Variants in IRAG1 observed in about 807,000 individuals in gnomAD.
The protein encoded by IRAG1 is IP3R-associated cGMP kinase substrate.
In IRAG1, 62 loss-of-function variants were observed where a neutral mutation model predicts 106.2. That is an observed-to-expected ratio of 0.58 (90% CI 0.48 to 0.72). IRAG1 has a LOEUF of 0.72. Ranked by LOEUF, IRAG1 falls within the 30% of genes least tolerant of loss-of-function variation. IRAG1 has a pLI of 0.00. For synonymous variants in IRAG1, 462 were observed against 443.9 expected (o/e 1.04, Z -0.51); for missense variants, 1,064 against 1,140.7 (o/e 0.93, Z 0.97).
At chr11:10,615,020 T>A (rs886234667) in intron 10 of IRAG1, among the ~76,000 whole-genome samples, 1 of 152,032 alleles carries the variant, frequency 6.6e-6, no homozygotes, top group East Asian at 1.9e-4. Context: ...AGGAGAAAAT[T>A]TTTGCAATCT....
chr11:10,590,864 A>G (rs1852569000), intron 18 of IRAG1, among the ~76,000 whole-genome samples: 1 of 152,138 alleles, frequency 6.6e-6, no homozygotes, highest in African/African-American at 2.4e-5. Context: ...ACTCTTCTTC[A>G]TGGAGTCATT....
chr11:10,662,451 G>C (rs1360479746), intron 1 of IRAG1, among the ~76,000 whole-genome samples: 1 of 152,124 alleles, frequency 6.6e-6, no homozygotes, highest in Non-Finnish European at 1.5e-5. Flanking sequence ...AAAAGGCCAG[G>C]GCCTCCTTCT....
chr11:10,675,640 A>T (rs1860594463), intron 1 of IRAG1, among the ~76,000 whole-genome samples: 1 of 152,162 alleles, frequency 6.6e-6, no homozygotes, highest in Non-Finnish European at 1.5e-5. Flanking sequence ...TGGGGATCTC[A>T]GGGAATTTCA....
At chr11:10,599,149 C>T (rs1853664708) in intron 15 of IRAG1, among the ~76,000 whole-genome samples, 1 of 152,204 alleles carries the variant, frequency 6.6e-6, no homozygotes, top group African/African-American at 2.4e-5. Flanking sequence ...ATGTGGGACT[C>T]TGTGGTGTAT....
At chr11:10,622,876 G>C (rs1039331831) in intron 10 of IRAG1, among the ~76,000 whole-genome samples, 4 of 141,384 alleles carry the variant, frequency 2.8e-5, no homozygotes, top group East Asian at 2.2e-4. Context: ...GTAAGCAGTG[G>C]ACACACACAC....
intron 1 of IRAG1, among the ~76,000 whole-genome samples, chr11:10,670,381 A>G (rs1860124639): frequency 6.6e-6 from 1 of 152,176 alleles, no homozygotes; most frequent in Non-Finnish European, 1.5e-5. Context: ...GTAGTCCTTA[A>G]CTAAAACGAG....
chr11:10,681,202 C>T (rs1333200155), intron 1 of IRAG1, among the ~76,000 whole-genome samples: 3 of 152,146 alleles, frequency 2.0e-5, no homozygotes, highest in African/African-American at 7.2e-5. Flanking sequence ...TACTCATCTG[C>T]CCCCAGAGCT....
intron 1 of IRAG1, among the ~76,000 whole-genome samples, chr11:10,672,781 A>C (rs756728276): frequency 9.9e-5 from 15 of 152,228 alleles, no homozygotes; most frequent in Non-Finnish European, 2.1e-4. Context: ...AAAAGGTTGA[A>C]CATAGGATTA....
intron 1 of IRAG1, among the ~76,000 whole-genome samples, chr11:10,682,480 C>A (rs2135216274): frequency 6.6e-6 from 1 of 152,220 alleles, no homozygotes; most frequent in South Asian, 2.1e-4. Context: ...TTTCTGGGAC[C>A]AGCTGGCCTG....
At chr11:10,629,773 T>C (rs1254666227) in intron 4 of IRAG1, 62 bp from the exon 5 acceptor site, 2 of 1,503,962 alleles carry the variant, frequency 1.3e-6, no homozygotes, top group African/African-American at 1.4e-5. Context: ...GCTGAGGTCA[T>C]GCCATACCAT....
chr11:10,678,236 A>G (rs905356402), intron 1 of IRAG1, among the ~76,000 whole-genome samples: 25 of 152,172 alleles, frequency 1.6e-4, no homozygotes, highest in African/African-American at 6.0e-4. Context: ...TTTACTGGGA[A>G]GCTGCTTATC....
intron 5 of IRAG1, among the ~76,000 whole-genome samples, chr11:10,629,146 C>G (rs915771889): frequency 2.6e-5 from 4 of 152,148 alleles, no homozygotes; most frequent in African/African-American, 9.7e-5. Flanking sequence ...AGAGGCTGCT[C>G]CTTCTCGACT....
intron 2 of IRAG1, among the ~76,000 whole-genome samples, chr11:10,641,048 C>A (rs1391000354): frequency 6.6e-6 from 1 of 152,130 alleles, no homozygotes; most frequent in African/African-American, 2.4e-5. Context: ...ACTGTATTCT[C>A]TCTCTCTCTC....
chr11:10,579,694 G>C (rs1215973678), intron 20 of IRAG1, among the ~76,000 whole-genome samples: 2 of 152,026 alleles, frequency 1.3e-5, no homozygotes, highest in Non-Finnish European at 2.9e-5. Flanking sequence ...GCCAGGTGGG[G>C]CTGAGACCTC....
intron 9 of IRAG1, 43 bp from the exon 10 acceptor site, chr11:10,623,899 C>T (rs760781256): frequency 4.5e-6 from 7 of 1,551,410 alleles, no homozygotes; most frequent in East Asian, 4.5e-5. Context: ...GATGATGACA[C>T]TGGGCTGGGC....
chr11:10,606,923 T>C (rs1007710592), intron 11 of IRAG1, among the ~76,000 whole-genome samples, 151 bp from the exon 12 acceptor site: 1 of 152,188 alleles, frequency 6.6e-6, no homozygotes, highest in African/African-American at 2.4e-5. Flanking sequence ...TTGCCTGTGC[T>C]CTGTCACCTG....
intron 2 of IRAG1, among the ~76,000 whole-genome samples, chr11:10,636,921 T>G (rs1857188051): frequency 6.6e-6 from 1 of 152,176 alleles, no homozygotes; most frequent in African/African-American, 2.4e-5. Context: ...TGCAGGTGCA[T>G]GGACTATGAC....
intron 15 of IRAG1, among the ~76,000 whole-genome samples, chr11:10,597,226 A>G (rs1229681949): frequency 2.0e-5 from 3 of 152,148 alleles, no homozygotes; most frequent in Non-Finnish European, 2.9e-5. Context: ...TGAGTTTTTG[A>G]TTTCTGTGAC....
chr11:10,645,047 T>C (rs1857834307), intron 2 of IRAG1, among the ~76,000 whole-genome samples: 1 of 152,224 alleles, frequency 6.6e-6, no homozygotes, highest in African/African-American at 2.4e-5. Context: ...AAATTGGATC[T>C]GACAGAACTG....
Sources: gnomAD v4.1 joint callset for allele counts (sites outside exome capture counted in the v4.1 genomes callset) on GRCh38, gnomAD v4.1.1 for gene constraint, MANE v1.5 for transcripts, NCBI Gene and HGNC (gene_info 2026-07-23, HGNC 2026-07-21) for gene names.